The following CLASRP variants were observed in gnomAD, a reference collection of about 807,000 sequenced individuals.
The protein encoded by CLASRP is CLK4-associating serine/arginine rich protein.
CLASRP carries 52 observed loss-of-function variants against 99.9 expected under a neutral mutation model. The ratio of observed to expected loss-of-function variants is 0.52; its 90% CI spans 0.42 to 0.66. The LOEUF is 0.66. Ranked by LOEUF, CLASRP falls within the 30% of genes least tolerant of loss-of-function variation. The pLI is 0.00. For missense variants in CLASRP, 848 were observed against 999.2 expected, an observed-to-expected ratio of 0.85 and a Z score of 2.04; for synonymous variants, 379 against 373.0, an observed-to-expected ratio of 1.02 and a Z score of -0.18.
At chr19:45,056,214 A>G (rs1404746012) in intron 5 of CLASRP, among the ~76,000 whole-genome samples, 1 of 152,202 alleles carries the variant, frequency 6.6e-6, no homozygotes, top group Non-Finnish European at 1.5e-5. Context: ...CATTTTACGG[A>G]AAAGGAAACT....
At chr19:45,069,965 C>T (rs752687247) in intron 18 of CLASRP, 57 bp from the exon 19 acceptor site, 31 of 972,052 alleles carry the variant, frequency 3.2e-5, no homozygotes, top group Non-Finnish European at 5.0e-5. Context: ...CACCTGCCCT[C>T]CCTGAGTTCA....
At chr19:45,068,914 C>T (rs1001464684) in intron 16 of CLASRP, 152 bp from the exon 17 acceptor site, 17 of 718,930 alleles carry the variant, frequency 2.4e-5, no homozygotes, top group Middle Eastern at 3.7e-4. Context: ...GGCGCGAACC[C>T]GGGGGGCGGA....
At chr19:45,056,888 G>A (rs147561042) in intron 6 of CLASRP, among the ~76,000 whole-genome samples, 1 of 152,194 alleles carries the variant, frequency 6.6e-6, no homozygotes, top group Non-Finnish European at 1.5e-5. Flanking sequence ...ACTGCCTGGA[G>A]TTGGGAGGCA....
intron 13 of CLASRP, among the ~76,000 whole-genome samples, chr19:45,065,397 A>G (rs1475631396): frequency 1.7e-4 from 25 of 145,384 alleles, no homozygotes; most frequent in African/African-American, 6.9e-4. Flanking sequence ...TCAAAAAAAA[A>G]AAAAAAAAAA....
intron 12 of CLASRP, 30 bp from the exon 13 acceptor site, chr19:45,064,313 G>A: frequency 2.0e-6 from 3 of 1,515,636 alleles, no homozygotes; most frequent in East Asian, 2.5e-5. Context: ...TCAGGCCTGC[G>A]CTGACCGGCC....
At chr19:45,042,618 T>C (rs1310191686) in intron 2 of CLASRP, among the ~76,000 whole-genome samples, 1 of 140,804 alleles carries the variant, frequency 7.1e-6, no homozygotes, top group African/African-American at 2.5e-5. Context: ...CTCCAAAATC[T>C]TTTTTTTTTT....
chr19:45,066,416 C>T (rs1462989808), intron 13 of CLASRP, among the ~76,000 whole-genome samples: 1 of 151,994 alleles, frequency 6.6e-6, no homozygotes, highest in Non-Finnish European at 1.5e-5. Context: ...CCGCGCCTGG[C>T]CCTTGTTTTC....
intron 2 of CLASRP, among the ~76,000 whole-genome samples, chr19:45,043,377 A>G (rs1971852149): frequency 7.5e-6 from 1 of 132,536 alleles, no homozygotes; most frequent in Non-Finnish European, 1.5e-5. Context: ...GTGCCACTGC[A>G]CTCCAGCCTG....
Position 45,060,193 on chromosome 19 carries a change from T to C in CLASRP, c.711-196T>C, listed in dbSNP as rs915941225. Among the ~76,000 whole-genome samples, 1 of 152,176 alleles carries C rather than the reference T, an allele frequency of 6.6e-6. No individual in the cohort carries two copies. The highest frequency in any genetic ancestry group is 2.4e-5 in the African/African-American group (1 of 41,444). ...GCAGGTGAGGATTTCTGTTTTTTTT[T>C]TTCAGTGCTCAGTTCTTGATACCTA... On this transcript the variant is annotated intron_variant, in intron 8 of 20. Transcript: ENST00000221455. The surrounding 1 kb of genome is among the most constrained non-coding windows in gnomAD (Gnocchi z 4.6).
chr19:45,064,475 G>A lies in CLASRP; in HGVS notation c.1254G>A (p.Arg418=), dbSNP rs1030547234. Residue 418 remains arginine, a synonymous_variant, in exon 13 of 21, where the codon CGG becomes CGA. Coordinates refer to ENST00000221455, the MANE Select transcript of CLASRP (RefSeq NM_007056.3). ...YYRSGRHARS[R]SRSWSRSRSR... is the part of the protein sequence containing the mutation. ...GTTCCGGCCGCCACGCCCGCTCCCG[G>A]TCCCGCTCCTGGTCCCGCTCCCGCT... 6.5e-7 allele frequency: 1 copy of A among 1,532,134 alleles called. No homozygotes were observed. Among genetic ancestry groups the A allele is most frequent in the Non-Finnish European group, 8.8e-7 (1 of 1,142,786 alleles). 94.9% of individuals were successfully genotyped at this position (1,532,134 alleles called of 1,614,324 possible).
intron 13 of CLASRP, among the ~76,000 whole-genome samples, chr19:45,066,028 C>T (rs990415258): frequency 1.3e-5 from 2 of 152,174 alleles, no homozygotes; most frequent in African/African-American, 4.8e-5. Flanking sequence ...CCAGTCGGGG[C>T]GTTGACCGCT....
intron 11 of CLASRP, among the ~76,000 whole-genome samples, chr19:45,062,661 G>C (rs1284543317): frequency 6.6e-6 from 1 of 152,258 alleles, no homozygotes; most frequent in Admixed American, 6.5e-5. Context: ...GATTACAGGC[G>C]TGAGCCACCA....
intron 8 of CLASRP, among the ~76,000 whole-genome samples, chr19:45,059,657 G>GGCTA (rs1223865603): frequency 1.3e-5 from 2 of 152,176 alleles, no homozygotes; most frequent in East Asian, 3.9e-4. Context: ...GCCCTCTAGT[G>GGCTA]GAGAGGCTTC....
intron 13 of CLASRP, among the ~76,000 whole-genome samples, chr19:45,065,670 C>T (rs867043500): frequency 1.3e-5 from 2 of 151,628 alleles, no homozygotes; most frequent in Non-Finnish European, 2.9e-5. Flanking sequence ...CACCCCCTTC[C>T]GGTCCCCTTG....
chr19:45,062,342 G>A (rs1966959621), intron 11 of CLASRP, 147 bp downstream of exon 11: 2 of 596,538 alleles, frequency 3.4e-6, no homozygotes, highest in Admixed American at 2.8e-5. Flanking sequence ...AATCATTTTT[G>A]TGTTTTCCAG....
At chr19:45,066,308 C>T (rs146736284) in intron 13 of CLASRP, among the ~76,000 whole-genome samples, 5 of 152,014 alleles carry the variant, frequency 3.3e-5, no homozygotes, top group African/African-American at 9.6e-5. Context: ...CTAGTAGAGA[C>T]GGGGTTTCAC....
Position 45,063,862 on chromosome 19 carries a change from G to A in CLASRP, c.906-150G>A, listed in dbSNP as rs1445444223. On this transcript the variant is annotated intron_variant, in intron 11 of 20. Coordinates refer to ENST00000221455, the MANE Select transcript of CLASRP (RefSeq NM_007056.3). ...TGAGTCAAGTCCTTGTCCAGAGCTG[G>A]GTCTCCACTGCCCTCCAGGCTCCAT... The A allele has an allele frequency of 7.9e-6, 8 of 1,007,904 alleles. No individual in the cohort carries two copies. The South Asian group carries it at 1.3e-4, about 17-fold the overall frequency. 62.4% of individuals were successfully genotyped at this position (1,007,904 alleles called of 1,614,324 possible).
intron 7 of CLASRP, 68 bp downstream of exon 7, chr19:45,057,966 C>G: frequency 1.3e-6 from 2 of 1,588,402 alleles, no homozygotes; most frequent in Admixed American, 1.7e-5. Context: ...CGTCCCTCAC[C>G]CTCTGTGGGG....
intron 2 of CLASRP, among the ~76,000 whole-genome samples, chr19:45,049,336 G>A (rs771044819): frequency 2.0e-5 from 3 of 152,168 alleles, no homozygotes; most frequent in South Asian, 2.1e-4. Context: ...AGCTGGGTGC[G>A]CTGTGTGGCC....
Sources: allele counts gnomAD v4.1 joint callset (sites outside exome capture counted in the v4.1 genomes callset), GRCh38; gene constraint gnomAD v4.1.1; non-coding constraint Gnocchi (gnomAD v3.1); transcripts MANE v1.5; gene names NCBI Gene and HGNC (gene_info 2026-07-23, HGNC 2026-07-21).